The following DCHS1 variants were observed in gnomAD, a reference collection of about 807,000 sequenced individuals.
DCHS1 encodes the protein dachsous cadherin-related 1.
Under a neutral mutation model 213.9 loss-of-function variants are expected in DCHS1, and 78 were observed. That is an observed-to-expected ratio of 0.36 (90% confidence interval 0.30 to 0.44). The LOEUF is 0.44. Ranked by LOEUF, DCHS1 falls within the 20% of genes least tolerant of loss-of-function variation. The pLI is 1.00. For missense variants in DCHS1, 3,946 were observed against 4,395.9 expected, an observed-to-expected ratio of 0.90 and a Z score of 2.89; for synonymous variants, 1,828 against 1,873.7, an observed-to-expected ratio of 0.98 and a Z score of 0.63.
chr11:6,629,661 C>T lies in DCHS1; in HGVS notation c.5035+11G>A. ...TCCATCCCACTCATAATTCACCCCCCCAGGTCTTACCCACGTCGGGGTCGG... is the reference window on the plus strand; with the variant it reads ...TCCATCCCACTCATAATTCACCCCCTCAGGTCTTACCCACGTCGGGGTCGG... On this transcript the variant is annotated intron_variant, in intron 11 of 20. Coordinates refer to ENST00000299441, the MANE Select transcript of DCHS1 (RefSeq NM_003737.4). 1.2e-6 allele frequency: 2 copies of T among 1,612,990 alleles called. No individual in the cohort carries two copies. The highest frequency in any genetic ancestry group is 1.1e-5 in the South Asian group (1 of 90,924).
In DCHS1 at chr11:6,622,532, A is replaced by G; in HGVS notation, c.9144T>C (p.Asn3048=). ...AAEDDEIRMI[N]EFPRVASVAS... ...CCACACTGGCCACACGGGGGAACTCATTGATCATGCGGATCTCATCATCCT... is the reference window on the plus strand; with the variant it reads ...CCACACTGGCCACACGGGGGAACTCGTTGATCATGCGGATCTCATCATCCT... The change falls in exon 21 of 21, where the codon AAT becomes AAC. Residue 3048 remains asparagine (N), a synonymous_variant. Coordinates refer to ENST00000299441, the MANE Select transcript of DCHS1 (RefSeq NM_003737.4). This position sits in a 1 kb window ranked among gnomAD's most constrained non-coding sequence, Gnocchi z 5.4. 1.3e-6 allele frequency: 2 copies of G among 1,580,734 alleles called. No homozygotes were observed. The highest frequency in any genetic ancestry group is 1.7e-6 in the Non-Finnish European group (2 of 1,163,938).
Position 6,628,514 on chromosome 11 carries a change from G to C in DCHS1, c.5371+107C>G, listed in dbSNP as rs73395139. ...TGAAAGAAAAGGTGGACGACATCAA[G>C]AGGGAAAAGGAGACCCAGACACATG... is the stretch of plus-strand genomic sequence containing the variant. On this transcript the variant is annotated intron_variant, in intron 13 of 20. Transcript: ENST00000299441. This position sits in a 1 kb window ranked among gnomAD's most constrained non-coding sequence, Gnocchi z 4.3. The C allele has an allele frequency of 2.2e-3, 2,745 of 1,264,398 alleles. 48 individuals are homozygous for C. The African/African-American group carries it at 0.035, about 16-fold the overall frequency. 78.3% of individuals were successfully genotyped at this position (1,264,398 alleles called of 1,614,324 possible).
At chr11:6,638,007 G>C (rs1277833748) in intron 2 of DCHS1, among the ~76,000 whole-genome samples, 1 of 152,170 alleles carries the variant, frequency 6.6e-6, no homozygotes, top group East Asian at 1.9e-4. Context: ...AAACCACCTG[G>C]AGAGTTGCCC....
chr11:6,641,254 G>A lies in DCHS1; in HGVS notation c.360C>T (p.Val120=). The change falls in exon 2 of 21, where the codon GTC becomes GTT. Residue 120 remains valine (V), a synonymous_variant. Coordinates refer to ENST00000299441, the MANE Select transcript of DCHS1 (RefSeq NM_003737.4). The surrounding 1 kb of genome is among the most constrained non-coding windows in gnomAD (Gnocchi z 7.1). ...CTTCTACGGTGGCACCATCAGGAGT[G>A]ACTGCAGTGAAGCGGTAGCGGTCCC... ...EQRDRYRFTA[V]TPDGATVEVT... 6.2e-7 allele frequency: 1 copy of A among 1,613,732 alleles called. No homozygotes were observed. Among genetic ancestry groups the A allele is most frequent in the African/African-American group, 1.3e-5 (1 of 75,068 alleles).
rs7937903 is a variant in DCHS1, at chr11:6,646,390, C to G, written c.-120-4657G>C. 1.2e-3 allele frequency among the ~76,000 whole-genome samples: 185 copies of G among 152,222 alleles called. 3 individuals are homozygous for G. In the East Asian group the frequency reaches 0.027, roughly 23 times the overall value. ...CAAACTCGAACTCCAGACTCTCTCCCGAGACCGTCTCATGCTCGCTCCAGC... is the reference window on the plus strand; with the variant it reads ...CAAACTCGAACTCCAGACTCTCTCCGGAGACCGTCTCATGCTCGCTCCAGC... On this transcript the variant is annotated intron_variant, in intron 1 of 20. Transcript: ENST00000299441.
chr11:6,632,792 G>A lies in DCHS1; in HGVS notation c.2720C>T (p.Thr907Ile). The A allele has an allele frequency of 6.2e-7, 1 of 1,613,900 alleles. No homozygotes were observed. The highest frequency in any genetic ancestry group is 8.5e-7 in the Non-Finnish European group (1 of 1,179,840). The change falls in exon 6 of 21, where the codon ACT becomes ATT. Residue 907 changes from threonine to isoleucine, a missense_variant. Physicochemically the swap from Thr to Ile is moderately conservative, Grantham distance 89. Around this residue, in one of 3 missense-constraint regions of DCHS1, gnomAD observed 3,384 missense variants for 3,780.1 expected, o/e 0.90. Transcript: ENST00000299441. The surrounding 1 kb of genome is among the most constrained non-coding windows in gnomAD (Gnocchi z 5.9). The stretch of plus-strand genomic sequence containing the variant: ...TGTATAGATGGGAGTCCCTGGGGCA[G>A]TGTTTGGTGGTAGCAATACCGTGTC... ...PEDTVLLPPNTAPGTPIYTLR... is the reference protein window; with the variant it reads ...PEDTVLLPPNIAPGTPIYTLR...
rs748854597 is a variant in DCHS1, at chr11:6,633,609, T to C, written c.2258A>G (p.Asn753Ser). Residue 753 changes from asparagine to serine, a missense_variant, in exon 5 of 21, where the codon AAT becomes AGT. By Grantham distance (46) the Asn-to-Ser change is conservative (BLOSUM62 1). Around this residue, in one of 3 missense-constraint regions of DCHS1, gnomAD observed 3,384 missense variants for 3,780.1 expected, o/e 0.90. Transcript: ENST00000299441. Reference protein sequence around the residue: ...TVAWPLARRANSVVQLEIGAE... With the variant: ...TVAWPLARRASSVVQLEIGAE... ...CCCGATCTCCAGCTGCACCACAGAA[T>C]TGGCCCGTCTGGCCAAGGGCCAGGC... is the stretch of plus-strand genomic sequence containing the variant. The C allele has an allele frequency of 1.4e-5, 22 of 1,599,046 alleles. No homozygotes were observed. Among genetic ancestry groups the C allele is most frequent in the Admixed American group, 3.5e-5 (2 of 57,502 alleles).
rs1270322437 is a variant in DCHS1 at position 6,624,253 on chromosome 11, G to C, written c.7423C>G (p.Gln2475Glu). The C allele has an allele frequency of 6.2e-7, 1 of 1,612,132 alleles. No homozygotes were observed. Among genetic ancestry groups the C allele is most frequent in the Admixed American group, 1.7e-5 (1 of 59,812 alleles). ...GTGAAGCTCGGGGCGTGGTCGTTCT[G>C]GTCCTGCAGCTGCACGTGCACTGTG... ...RATVHVQLQDQNDHAPSFTLS... is the reference protein window; with the variant it reads ...RATVHVQLQDENDHAPSFTLS... The change falls in exon 21 of 21, where the codon CAG (glutamine) becomes GAG (glutamate). Residue 2475 changes from glutamine to glutamate, a missense_variant. Physicochemically the swap from Gln to Glu is conservative, Grantham distance 29. Around this residue, in one of 3 missense-constraint regions of DCHS1, gnomAD observed 3,384 missense variants for 3,780.1 expected, o/e 0.90. Transcript: ENST00000299441.
chr11:6,630,475 G>A lies in DCHS1; in HGVS notation c.4319C>T (p.Pro1440Leu), dbSNP rs1481613648. ...NEHAPAFARD[P>L]LALALPENPE... Reference sequence around the variant, plus strand: ...GTTCTCTGGCAGCGCCAGCGCCAGCGGGTCGCGCGCAAAGGCGGGCGCATG... The same window carrying A: ...GTTCTCTGGCAGCGCCAGCGCCAGCAGGTCGCGCGCAAAGGCGGGCGCATG... Residue 1440 changes from proline (P) to leucine (L), a missense_variant, in exon 10 of 21, where the codon CCG becomes CTG. Around this residue, in one of 3 missense-constraint regions of DCHS1, gnomAD observed 3,384 missense variants for 3,780.1 expected, o/e 0.90. Coordinates refer to ENST00000299441, the MANE Select transcript of DCHS1 (RefSeq NM_003737.4). The A allele has an allele frequency of 1.6e-5, 25 of 1,530,830 alleles. No individual in the cohort carries two copies. The highest frequency in any genetic ancestry group is 2.1e-5 in the Non-Finnish European group (24 of 1,145,158). 94.8% of individuals were successfully genotyped at this position (1,530,830 alleles called of 1,614,324 possible). A position where few individuals can be genotyped will look rare whatever the true frequency, so the allele number is the denominator to read the frequency against.
chr11:6,638,763 A>G (rs1178415300), intron 2 of DCHS1, among the ~76,000 whole-genome samples: 15 of 152,170 alleles, frequency 9.9e-5, no homozygotes, highest in Admixed American at 9.8e-4. Flanking sequence ...GTTAAATAAA[A>G]TCTTGAACAT....
In DCHS1 at chr11:6,624,334, C is replaced by T. The variant is rs1214024793; in HGVS notation, c.7342G>A (p.Val2448Met). 1.2e-5 allele frequency: 19 copies of T among 1,582,340 alleles called. No individual in the cohort carries two copies. Among genetic ancestry groups the T allele is most frequent in the South Asian group, 2.3e-5 (2 of 87,188 alleles). The stretch of plus-strand genomic sequence containing the variant: ...TCTCGTGCTTCCAGCACCACATCCA[C>T]TGCTCCTGACCCGTCATGGCCCAAG... ...VALGHDGSGAVDVVLEARDHG... is the reference protein window; with the variant it reads ...VALGHDGSGAMDVVLEARDHG... The change falls in exon 21 of 21, where the codon GTG becomes ATG. Residue 2448 changes from valine (V) to methionine (M), a missense_variant. Around this residue, in one of 3 missense-constraint regions of DCHS1, gnomAD observed 3,384 missense variants for 3,780.1 expected, o/e 0.90. Transcript: ENST00000299441.
chr11:6,633,295 G>A (rs1855941221), intron 5 of DCHS1, 117 bp downstream of exon 5: 3 of 1,156,974 alleles, frequency 2.6e-6, no homozygotes, highest in African/African-American at 1.5e-5. Flanking sequence ...TGGTACAGGA[G>A]TGTTTTATAC....
chr11:6,621,685 G>A lies in DCHS1; in HGVS notation c.*94C>T. The A allele has an allele frequency of 6.9e-7, 1 of 1,448,346 alleles. No individual in the cohort carries two copies. Among genetic ancestry groups the A allele is most frequent in the Non-Finnish European group, 9.4e-7 (1 of 1,066,986 alleles). The allele number at this position is 1,448,346 out of a possible 1,614,324, so 89.7% of individuals were successfully genotyped here. A position where few individuals can be genotyped will look rare whatever the true frequency, so the allele number is the denominator to read the frequency against. On this transcript the variant is annotated 3_prime_UTR_variant, in exon 21 of 21. Transcript: ENST00000299441. ...CCTGGTGGTGGCCTCCCCGTAGCCA[G>A]TCATAGTCCGAGGCTGCCCAGGGCA...
intron 1 of DCHS1, among the ~76,000 whole-genome samples, chr11:6,642,037 T>C (rs1203472580): frequency 2.6e-5 from 4 of 152,180 alleles, no homozygotes; most frequent in Non-Finnish European, 4.4e-5. Context: ...GGACATTCTT[T>C]TCTCATTTTC....
rs932023362 is a variant in DCHS1, at chr11:6,625,849, T to C, written c.6731+71A>G. 6.3e-7 allele frequency: 1 copy of C among 1,589,912 alleles called. No homozygotes were observed. Among genetic ancestry groups the C allele is most frequent in the African/African-American group, 1.3e-5 (1 of 74,414 alleles). ...TTCAGGATGTGGCCAAGGGACCAGA[T>C]GAGTTCAAGGCAGGGCTTGAAACTG... On this transcript the variant is annotated intron_variant, in intron 17 of 20. Transcript: ENST00000299441. The surrounding 1 kb of genome is among the most constrained non-coding windows in gnomAD (Gnocchi z 5.3).
chr11:6,624,014 C>G lies in DCHS1; in HGVS notation c.7662G>C (p.Leu2554=), dbSNP rs763690605. Residue 2554 remains leucine (L), a synonymous_variant, in exon 21 of 21, where the codon CTG becomes CTC. Coordinates refer to ENST00000299441, the MANE Select transcript of DCHS1 (RefSeq NM_003737.4). ...CAAAGTCTAGAGGTTCAAGCAACAC[C>G]AGGCAGCCCAGTGCCCGGGGGCCTG... ...AGPGPRALGC[L]VLLEPLDFES... The G allele has an allele frequency of 6.2e-7, 1 of 1,613,346 alleles. No homozygotes were observed. Among genetic ancestry groups the G allele is most frequent in the East Asian group, 2.2e-5 (1 of 44,854 alleles).
rs745460981 is a variant in DCHS1 at position 6,624,286 on chromosome 11, C to T, written c.7390G>A (p.Ala2464Thr). 2.5e-6 allele frequency: 4 copies of T among 1,598,826 alleles called. No homozygotes were observed. The highest frequency in any genetic ancestry group is 1.3e-5 in the African/African-American group (1 of 74,712). The change falls in exon 21 of 21, where the codon GCA (alanine) becomes ACA (threonine). Residue 2464 changes from alanine to threonine, a missense_variant. Physicochemically the swap from Ala to Thr is moderately conservative, Grantham distance 58. Coordinates refer to ENST00000299441, the MANE Select transcript of DCHS1 (RefSeq NM_003737.4). ...AGCTGCACGTGCACTGTGGCTCGTG[C>T]TGCCCGGCCTGGAGCCCCGTGGTCT... ...ARDHGAPGRA[A>T]RATVHVQLQD...
chr11:6,644,222 C>T (rs1325723460), intron 1 of DCHS1, among the ~76,000 whole-genome samples: 1 of 152,216 alleles, frequency 6.6e-6, no homozygotes, highest in African/African-American at 2.4e-5. Flanking sequence ...AAGGCAACCA[C>T]ACAAACTTAT....
Position 6,626,490 on chromosome 11 carries a change from A to T in DCHS1, c.6364+62T>A. The T allele has an allele frequency of 6.2e-7, 1 of 1,606,370 alleles. No individual in the cohort carries two copies. The highest frequency in any genetic ancestry group is 1.7e-5 in the Admixed American group (1 of 59,768). ...CCTTCACCCATCAAAGGCTCCTCTG[A>T]TGCAAAGAACCTGCTTCCCCAGTAG... On this transcript the variant is annotated intron_variant, in intron 15 of 20. Transcript: ENST00000299441. The surrounding 1 kb of genome is among the most constrained non-coding windows in gnomAD (Gnocchi z 5.2).
Sources: gnomAD v4.1 joint callset for allele counts (sites outside exome capture counted in the v4.1 genomes callset) on GRCh38, gnomAD v4.1.1 for gene constraint, gnomAD v4.1.1 regional missense constraint, Gnocchi (gnomAD v3.1) non-coding constraint, MANE v1.5 for transcripts, NCBI Gene and HGNC (gene_info 2026-07-23, HGNC 2026-07-21) for gene names.